MYT1L: variants seen among roughly 807,000 people sequenced by gnomAD.
The protein encoded by MYT1L is myelin transcription factor 1-like protein.
Under a neutral mutation model 126.7 loss-of-function variants are expected in MYT1L, and 12 were observed. That is an observed-to-expected ratio of 0.09 (90% CI 0.06 to 0.15). The LOEUF (loss-of-function observed/expected upper bound fraction) is 0.15, where lower values mean the gene tolerates loss of function less well. Among genes scored for constraint, MYT1L ranks in the 10% least tolerant of loss-of-function variants. The probability of loss-of-function intolerance (pLI) is 1.00; values close to 1 mark genes in which losing one functional copy is unlikely to be tolerated. For missense variants in MYT1L, 979 were observed against 1,585.2 expected (o/e 0.62, Z 6.49); for synonymous variants, 541 against 604.2 (o/e 0.90, Z 1.53).
At chr2:2,007,044 G>C (rs1372234081) in intron 4 of MYT1L, among the ~76,000 whole-genome samples, 1 of 146,828 alleles carries the variant, frequency 6.8e-6, no homozygotes, top group Non-Finnish European at 1.5e-5. Flanking sequence ...TTTCATTGAA[G>C]ATATATATAT....
intron 1 of MYT1L, among the ~76,000 whole-genome samples, chr2:2,329,749 T>C (rs893726808): frequency 6.6e-6 from 1 of 152,166 alleles, no homozygotes; most frequent in African/African-American, 2.4e-5. Flanking sequence ...CTATGTTAGT[T>C]AATAAAGAAA....
chr2:2,163,874 TG>T (rs1209173611), intron 3 of MYT1L, among the ~76,000 whole-genome samples: 1 of 152,084 alleles, frequency 6.6e-6, no homozygotes, highest in Non-Finnish European at 1.5e-5. Context: ...AAAGAGGAAA[TG>T]GGACCAGGTG....
chr2:2,224,795 G>A lies in MYT1L; in HGVS notation c.-420-51807C>T, dbSNP rs1349081195. Among the ~76,000 whole-genome samples, 1 of 151,336 alleles carries A rather than the reference G, an allele frequency of 6.6e-6. No homozygotes were observed. Among genetic ancestry groups the A allele is most frequent in the South Asian group, 2.1e-4 (1 of 4,756 alleles). ...GATTGAGCCACTGCACTCCAGCCTG[G>A]GCAACAGAGCAAGACTCCGTCTCAA... On this transcript the variant is annotated intron_variant, in intron 2 of 24. Transcript: ENST00000647738. This position sits in a 1 kb window ranked among gnomAD's most constrained non-coding sequence, Gnocchi z 4.0.
intron 3 of MYT1L, among the ~76,000 whole-genome samples, chr2:2,143,703 A>G (rs2084394375): frequency 6.6e-6 from 1 of 152,134 alleles, no homozygotes; most frequent in South Asian, 2.1e-4. Flanking sequence ...GGATGGGCAC[A>G]GCTAAAGAAA....
intron 2 of MYT1L, among the ~76,000 whole-genome samples, chr2:2,243,452 A>C (rs2094475186): frequency 1.3e-5 from 2 of 152,246 alleles, no homozygotes; most frequent in Non-Finnish European, 2.9e-5. Context: ...AGGTTCCCCA[A>C]CAAAACAGGG....
chr2:2,160,128 G>T (rs1016066391), intron 3 of MYT1L, among the ~76,000 whole-genome samples: 4 of 152,170 alleles, frequency 2.6e-5, no homozygotes, highest in Non-Finnish European at 4.4e-5. Context: ...CTCTCACATA[G>T]CACATGACGA....
chr2:2,031,525 C>G, intron 4 of MYT1L, among the ~76,000 whole-genome samples: 1 of 147,278 alleles, frequency 6.8e-6, no homozygotes, highest in Admixed American at 6.8e-5. Flanking sequence ...ACACCCCTCC[C>G]AAGTGCCTCT....
At chr2:1,897,624 G>A (rs539304677) in intron 14 of MYT1L, among the ~76,000 whole-genome samples, 29 of 152,008 alleles carry the variant, frequency 1.9e-4, no homozygotes, top group Middle Eastern at 3.4e-3. Context: ...GACCATGCCC[G>A]GCTAATTTTT....
chr2:2,313,592 C>G (rs2096012288), intron 1 of MYT1L, among the ~76,000 whole-genome samples: 3 of 151,702 alleles, frequency 2.0e-5, no homozygotes, highest in Admixed American at 2.0e-4. Context: ...AGGGAAAGAC[C>G]CTACTTGATA....
At chr2:1,845,646 T>G (rs1039300255) in intron 19 of MYT1L, among the ~76,000 whole-genome samples, 8 of 152,198 alleles carry the variant, frequency 5.3e-5, no homozygotes, top group African/African-American at 1.9e-4. Flanking sequence ...CAAGTGCGCT[T>G]TTGACACCTG....
chr2:2,301,898 A>C (rs186447911), intron 1 of MYT1L, among the ~76,000 whole-genome samples: 1 of 151,984 alleles, frequency 6.6e-6, no homozygotes, highest in East Asian at 1.9e-4. Context: ...GGGCCCAAAT[A>C]TTAAGTTCAT....
intron 18 of MYT1L, among the ~76,000 whole-genome samples, chr2:1,875,247 C>A (rs1005449014): frequency 6.6e-6 from 1 of 152,004 alleles, no homozygotes; most frequent in Non-Finnish European, 1.5e-5. Flanking sequence ...CATCCTGAGG[C>A]GGGAAACTGG....
intron 2 of MYT1L, among the ~76,000 whole-genome samples, chr2:2,259,451 T>G (rs1374547225): frequency 2.6e-5 from 4 of 151,818 alleles, no homozygotes; most frequent in Admixed American, 6.6e-5. Flanking sequence ...GATGTATTAG[T>G]TAGCTTGATT....
chr2:1,954,858 T>A (rs34400315), intron 8 of MYT1L, among the ~76,000 whole-genome samples: 14,211 of 151,548 alleles, frequency 0.094, 1,207 homozygotes, highest in African/African-American at 0.23. Context: ...TGAGGTCAGA[T>A]GTTTGAGACC....
intron 21 of MYT1L, chr2:1,825,784 G>C (rs1238766232): frequency 6.6e-6 from 1 of 152,252 alleles, no homozygotes; most frequent in Non-Finnish European, 1.5e-5. Flanking sequence ...TCCTAGCGCA[G>C]TGGCTGGATA....
chr2:2,137,900 G>A (rs1176631370), intron 3 of MYT1L, among the ~76,000 whole-genome samples: 1 of 151,958 alleles, frequency 6.6e-6, no homozygotes, highest in African/African-American at 2.4e-5. Context: ...GAGTAAACAG[G>A]CAACCCACAA....
chr2:2,132,783 T>C (rs1336313635), intron 3 of MYT1L, among the ~76,000 whole-genome samples: 1 of 152,096 alleles, frequency 6.6e-6, no homozygotes, highest in African/African-American at 2.4e-5. Flanking sequence ...AAAGAATCTA[T>C]GTGATATGAA....
intron 14 of MYT1L, 121 bp downstream of exon 14, chr2:1,902,959 T>C: frequency 1.1e-6 from 1 of 907,132 alleles, no homozygotes; most frequent in Non-Finnish European, 1.7e-6. Flanking sequence ...GAAAGTCCTG[T>C]TCTTTTGGTA....
At chr2:2,179,265 G>A (rs909410049) in intron 2 of MYT1L, among the ~76,000 whole-genome samples, 3 of 152,172 alleles carry the variant, frequency 2.0e-5, no homozygotes, top group Admixed American at 6.5e-5. Context: ...CTTCCCAAGA[G>A]GCAAATGCCC....
Sources: gnomAD v4.1 joint callset for allele counts (sites outside exome capture counted in the v4.1 genomes callset) on GRCh38, gnomAD v4.1.1 for gene constraint, Gnocchi (gnomAD v3.1) non-coding constraint, MANE v1.5 for transcripts, NCBI Gene and HGNC (gene_info 2026-07-23, HGNC 2026-07-21) for gene names.